Variants in ANK1 observed in about 807,000 individuals in gnomAD.
ANK1 encodes the protein ankyrin 1, also known as ankyrin-1.
Under a neutral mutation model 210.4 loss-of-function variants are expected in ANK1, and 51 were observed. That is an observed-to-expected ratio of 0.24 (90% confidence interval 0.19 to 0.31). The LOEUF is 0.31. Among genes scored for constraint, ANK1 ranks in the 10% least tolerant of loss-of-function variants. ANK1 has a pLI of 1.00. For synonymous variants in ANK1, 967 were observed against 1,025.9 expected (o/e 0.94, Z 1.10); for missense variants, 2,051 against 2,504.4 (o/e 0.82, Z 3.86).
At chr8:41,660,333 T>G in intron 42 of ANK1, 1 of 438,972 alleles carries the variant, frequency 2.3e-6, no homozygotes, top group Non-Finnish European at 4.6e-6. Flanking sequence ...AGAGCCTCCT[T>G]GCTGCTCGGT....
intron 1 of ANK1, among the ~76,000 whole-genome samples, chr8:41,855,435 G>A (rs1024517924): frequency 2.6e-5 from 4 of 152,180 alleles, no homozygotes; most frequent in African/African-American, 9.7e-5. Context: ...AGAGGCCATC[G>A]TCCTCCCTCC....
At position 41,704,575 on chromosome 8, in the gene ANK1, C is replaced by A; in HGVS notation, c.2098-103G>T. 1.0e-6 allele frequency: 1 copy of A among 1,003,798 alleles called. No homozygotes were observed. The highest frequency in any genetic ancestry group is 1.3e-5 in the South Asian group (1 of 75,582). The allele number at this position is 1,003,798 out of a possible 1,614,324, so 62.2% of individuals were successfully genotyped here. ...TTCAAAGAGAGAACGGACAGGGAGC[C>A]CCTTGAAGGCTGACATTGACAAGCT... On this transcript the variant is annotated intron_variant, in intron 18 of 42. Coordinates refer to ENST00000289734, the MANE Select transcript of ANK1 (RefSeq NM_000037.4). The surrounding 1 kb of genome is among the most constrained non-coding windows in gnomAD (Gnocchi z 4.1).
intron 31 of ANK1, among the ~76,000 whole-genome samples, chr8:41,691,717 C>T (rs1819319287): frequency 6.6e-6 from 1 of 152,178 alleles, no homozygotes; most frequent in Non-Finnish European, 1.5e-5. Context: ...TGGATAAATC[C>T]CATCTCCACC....
chr8:41,865,439 T>C (rs1243437571), intron 1 of ANK1, among the ~76,000 whole-genome samples: 5 of 152,018 alleles, frequency 3.3e-5, no homozygotes, highest in Admixed American at 3.3e-4. Flanking sequence ...GTAGATACTG[T>C]GTGGGTGAGG....
chr8:41,774,863 A>G (rs1843670155), intron 1 of ANK1, among the ~76,000 whole-genome samples: 1 of 152,238 alleles, frequency 6.6e-6, no homozygotes, highest in Admixed American at 6.5e-5. Flanking sequence ...ACTAGAGTGG[A>G]ATTACACACA....
Position 41,690,317 on chromosome 8 carries a change from C to A in ANK1, c.4014G>T (p.Gly1338=), listed in dbSNP as rs1818921021. Residue 1338 remains glycine, a synonymous_variant, in exon 33 of 43, where the codon GGG becomes GGT. Transcript: ENST00000289734. ...KVRDSSREPG[G]SLSFLRKAMK... The stretch of plus-strand genomic sequence containing the variant: ...TCGCCTTGCGCAGAAACGACAGGGA[C>A]CCTCCCGGCTCTCGACTGCTGTCCC... 6.2e-7 allele frequency: 1 copy of A among 1,614,124 alleles called. No individual in the cohort carries two copies. Among genetic ancestry groups the A allele is most frequent in the South Asian group, 1.1e-5 (1 of 91,092 alleles).
intron 2 of ANK1, among the ~76,000 whole-genome samples, chr8:41,757,197 C>T (rs11784321): frequency 0.11 from 16,834 of 152,262 alleles, 1,069 homozygotes; most frequent in South Asian, 0.15. Flanking sequence ...TTCTATGCTG[C>T]ATATCTGACC....
chr8:41,824,291 A>G (rs1804976943), intron 1 of ANK1, among the ~76,000 whole-genome samples: 2 of 152,164 alleles, frequency 1.3e-5, no homozygotes, highest in African/African-American at 4.8e-5. Flanking sequence ...AAACTTAAAA[A>G]GTCTTATAAT....
chr8:41,723,183 T>C lies in ANK1; in HGVS notation c.851A>G (p.His284Arg), dbSNP rs765748764. Residue 284 changes from histidine (H) to arginine (R), a missense_variant, in exon 9 of 43, where the codon CAC becomes CGC. Coordinates refer to ENST00000289734, the MANE Select transcript of ANK1 (RefSeq NM_000037.4). ...TPLHCAARNG[H>R]VRISEILLDH... Reference sequence around the variant, plus strand: ...CAGCAGGATCTCTGAGATTCGCACGTGCCCATTTCGAGCTGCACAGTGGAG... The same window carrying C: ...CAGCAGGATCTCTGAGATTCGCACGCGCCCATTTCGAGCTGCACAGTGGAG... 9 of 1,614,066 alleles carry C rather than the reference T, an allele frequency of 5.6e-6. No individual in the cohort carries two copies. Among genetic ancestry groups the C allele is most frequent in the Non-Finnish European group, 7.6e-6 (9 of 1,180,040 alleles).
chr8:41,870,556 G>C (rs191568967), intron 1 of ANK1, among the ~76,000 whole-genome samples: 13 of 152,216 alleles, frequency 8.5e-5, no homozygotes, highest in Non-Finnish European at 1.3e-4. Flanking sequence ...CATGGATCAC[G>C]GAAGGAGCTG....
intron 1 of ANK1, among the ~76,000 whole-genome samples, chr8:41,785,082 G>A (rs778276835): frequency 6.6e-5 from 10 of 152,340 alleles, no homozygotes; most frequent in African/African-American, 1.2e-4. Context: ...ATGAGACTGG[G>A]CATGATGGCT....
chr8:41,703,450 AT>A (rs58196949), intron 20 of ANK1, among the ~76,000 whole-genome samples: 1,468 of 58,630 alleles, frequency 0.025, 23 homozygotes, highest in African/African-American at 0.041. Flanking sequence ...ATATATATAT[AT>A]TTTTTTTTTT....
chr8:41,717,709 C>T lies in ANK1; in HGVS notation c.1207-7G>A, dbSNP rs1457393579. ...GGAGAGGTGTCAGGCCAGACTGAAA[C>T]AGACAAAGGCAGAGTCCGATAAGTG... On this transcript the variant is annotated splice_polypyrimidine_tract_variant and splice_region_variant and intron_variant, in intron 11 of 42. Transcript: ENST00000289734. The T allele has an allele frequency of 3.2e-6, 5 of 1,549,088 alleles. No homozygotes were observed. The highest frequency in any genetic ancestry group is 4.4e-6 in the Non-Finnish European group (5 of 1,144,728).
intron 1 of ANK1, among the ~76,000 whole-genome samples, chr8:41,885,299 G>A (rs1340509653): frequency 6.6e-6 from 1 of 152,208 alleles, no homozygotes; most frequent in South Asian, 2.1e-4. Context: ...TGGGTTAAAA[G>A]TGCTAACATT....
At position 41,655,326 on chromosome 8, in the gene ANK1, A is replaced by G; in HGVS notation, c.*464T>C. On this transcript the variant is annotated 3_prime_UTR_variant, in exon 43 of 43. Transcript: ENST00000289734. Reference sequence around the variant, plus strand: ...TTTTCTTTTTTTTTTTTTTCTTTCCAGGAAGCCCACATGGATTTCTGACAG... The same window carrying G: ...TTTTCTTTTTTTTTTTTTTCTTTCCGGGAAGCCCACATGGATTTCTGACAG... 1 of 156,584 alleles carries G rather than the reference A, an allele frequency of 6.4e-6. No individual in the cohort carries two copies. Among genetic ancestry groups the G allele is most frequent in the Admixed American group, 6.8e-5 (1 of 14,762 alleles). The allele number at this position is 156,584 out of a possible 1,614,324, so 9.7% of individuals were successfully genotyped here. A position where few individuals can be genotyped will look rare whatever the true frequency, so the allele number is the denominator to read the frequency against.
chr8:41,686,075 G>A, intron 36 of ANK1, 77 bp downstream of exon 36: 1 of 1,606,284 alleles, frequency 6.2e-7, no homozygotes, highest in Non-Finnish European at 8.5e-7. Flanking sequence ...CCAGTGTCAT[G>A]AATGGAATTT....
intron 1 of ANK1, among the ~76,000 whole-genome samples, chr8:41,814,774 A>G (rs150862256): frequency 6.6e-6 from 1 of 152,000 alleles, no homozygotes; most frequent in African/African-American, 2.4e-5. Flanking sequence ...ACATCTTAAA[A>G]TAATAACTAG....
chr8:41,687,069 T>C (rs1817882037), intron 35 of ANK1, among the ~76,000 whole-genome samples: 1 of 152,144 alleles, frequency 6.6e-6, no homozygotes, highest in African/African-American at 2.4e-5. Context: ...TGACTGAACT[T>C]CTGAGTTTGT....
intron 1 of ANK1, among the ~76,000 whole-genome samples, chr8:41,856,351 G>C (rs960057328): frequency 2.0e-5 from 3 of 152,192 alleles, no homozygotes; most frequent in Non-Finnish European, 4.4e-5. Flanking sequence ...ACACCAACAG[G>C]AGTTGTCTTA....
Sources: allele counts gnomAD v4.1 joint callset (sites outside exome capture counted in the v4.1 genomes callset), GRCh38; gene constraint gnomAD v4.1.1; non-coding constraint Gnocchi (gnomAD v3.1); transcripts MANE v1.5; gene names NCBI Gene and HGNC (gene_info 2026-07-23, HGNC 2026-07-21).